The following SGCD variants were observed in gnomAD, a reference collection of about 807,000 sequenced individuals.
The protein encoded by SGCD is sarcoglycan delta.
Under a neutral mutation model 36.6 loss-of-function variants are expected in SGCD, and 18 were observed. The ratio of observed to expected loss-of-function variants is 0.49; its 90% CI spans 0.34 to 0.73. The LOEUF (loss-of-function observed/expected upper bound fraction) is 0.73. Among genes scored for constraint, SGCD ranks in the 30% least tolerant of loss-of-function variants. The pLI is 0.01. For synonymous variants in SGCD, 133 were observed against 130.6 expected (o/e 1.02, Z -0.12); for missense variants, 387 against 346.7 (o/e 1.12, Z -0.92).
At chr5:156,145,951 T>C (rs375344099) in intron 3 of SGCD, among the ~76,000 whole-genome samples, 69 of 152,272 alleles carry the variant, frequency 4.5e-4, no homozygotes, top group East Asian at 5.8e-4. Context: ...TGGTGGCTCA[T>C]GCCTGTAATA....
intron 7 of SGCD, among the ~76,000 whole-genome samples, chr5:156,713,898 C>T (rs184983430): frequency 2.6e-5 from 4 of 152,316 alleles, no homozygotes; most frequent in Admixed American, 2.6e-4. Context: ...TTCACCAATC[C>T]AGTGATTTCA....
rs144378319 is a variant in SGCD at position 156,747,293 on chromosome 5, G to A, written c.576-10288G>A. ...TATTATTAATCTATTGCTGTGTAAC[G>A]CATTACCCCAAAACTTAGCAGTTTA... is the stretch of plus-strand genomic sequence containing the variant. On this transcript the variant is annotated intron_variant, in intron 7 of 8. Transcript: ENST00000337851. Among the ~76,000 whole-genome samples, 1,083 of 152,208 alleles carry A rather than the reference G, an allele frequency of 7.1e-3. 13 individuals carry two copies. Among genetic ancestry groups the A allele is most frequent in the Middle Eastern group, 0.014 (4 of 294 alleles).
At chr5:155,919,601 C>G (rs1162587724) in intron 1 of SGCD, among the ~76,000 whole-genome samples, 1 of 152,082 alleles carries the variant, frequency 6.6e-6, no homozygotes, top group Non-Finnish European at 1.5e-5. Context: ...AAACCTTGTT[C>G]CCCAGAACTT....
chr5:156,441,535 A>T (rs1344975199), intron 3 of SGCD, among the ~76,000 whole-genome samples: 1 of 152,188 alleles, frequency 6.6e-6, no homozygotes, highest in Non-Finnish European at 1.5e-5. Flanking sequence ...AAAAATGATC[A>T]TTTCCACATT....
At chr5:155,843,805 A>AC in the SGCD span, among the ~76,000 whole-genome samples, 1 of 152,140 alleles carries the variant, frequency 6.6e-6, no homozygotes, top group Non-Finnish European at 1.5e-5. Flanking sequence ...TGCACCTTGA[A>AC]CCCCCAGTGG....
intron 3 of SGCD, among the ~76,000 whole-genome samples, chr5:156,287,571 C>T (rs1766641537): frequency 1.3e-5 from 2 of 151,930 alleles, no homozygotes; most frequent in South Asian, 4.1e-4. Flanking sequence ...GACTCTTCCT[C>T]ATCGGTTAGG....
intron 3 of SGCD, among the ~76,000 whole-genome samples, chr5:156,157,813 T>A (rs752974113): frequency 2.6e-5 from 4 of 151,704 alleles, no homozygotes. Flanking sequence ...TTATCATTGT[T>A]AGGAAATACA....
At chr5:156,584,643 ATGCTTCTTTCT>A (rs1278932118) in intron 4 of SGCD, among the ~76,000 whole-genome samples, 2 of 27,462 alleles carry the variant, frequency 7.3e-5, no homozygotes, top group African/African-American at 5.9e-4. Context: ...TCTGTCACCT[ATGCTTCTTTCT>A]GTCACCTAGA....
At chr5:156,267,590 T>C (rs1290957936) in intron 3 of SGCD, among the ~76,000 whole-genome samples, 1 of 152,206 alleles carries the variant, frequency 6.6e-6, no homozygotes, top group African/African-American at 2.4e-5. Context: ...ACTGTGATAC[T>C]ACATGTTCTG....
intron 3 of SGCD, among the ~76,000 whole-genome samples, chr5:156,457,630 C>T (rs970831513): frequency 6.6e-6 from 1 of 152,120 alleles, no homozygotes; most frequent in African/African-American, 2.4e-5. Context: ...GCTTCAAGAC[C>T]CCTGCCCAGT....
At chr5:155,816,500 G>T in the SGCD span, among the ~76,000 whole-genome samples, 2 of 152,186 alleles carry the variant, frequency 1.3e-5, no homozygotes, top group East Asian at 3.8e-4. Flanking sequence ...GGAGGAGGAG[G>T]AAAAGGAGAG....
At chr5:156,323,803 G>C (rs781497518), upstream of SGCD, among the ~76,000 whole-genome samples, 4 of 152,196 alleles carry the variant, frequency 2.6e-5, no homozygotes, top group Non-Finnish European at 5.9e-5. Flanking sequence ...CATTGCAGAG[G>C]GGATTCAGGA....
intron 1 of SGCD, among the ~76,000 whole-genome samples, chr5:155,996,863 G>GGATGGATGGATAGATAGATA (rs367879360): frequency 7.5e-6 from 1 of 133,358 alleles, no homozygotes; most frequent in African/African-American, 2.7e-5. Context: ...CTGGATGGAT[G>GGATGGATGGATAGATAGATA]GATAGATAGA....
intron 7 of SGCD, among the ~76,000 whole-genome samples, chr5:156,734,958 C>T (rs1166178525): frequency 6.6e-6 from 1 of 152,154 alleles, no homozygotes; most frequent in Non-Finnish European, 1.5e-5. Context: ...TGCACTGATT[C>T]TTTCTCATTT....
chr5:155,937,574 A>C (rs2113403207), intron 1 of SGCD, among the ~76,000 whole-genome samples: 1 of 152,358 alleles, frequency 6.6e-6, no homozygotes, highest in East Asian at 1.9e-4. Context: ...GGGAGTCCAG[A>C]GTACTTGAGA....
chr5:156,181,748 C>A (rs770508216), intron 3 of SGCD, among the ~76,000 whole-genome samples: 2 of 152,092 alleles, frequency 1.3e-5, no homozygotes, highest in Non-Finnish European at 2.9e-5. Context: ...CTTGTTTAAC[C>A]ATTACAGCAA....
chr5:156,046,594 A>G (rs1026712584), intron 1 of SGCD, among the ~76,000 whole-genome samples: 1 of 152,046 alleles, frequency 6.6e-6, no homozygotes, highest in Non-Finnish European at 1.5e-5. Context: ...TTGATCTTTG[A>G]TGTTACTATT....
chr5:155,935,277 T>G (rs1757172466), intron 1 of SGCD, among the ~76,000 whole-genome samples: 1 of 152,242 alleles, frequency 6.6e-6, no homozygotes, highest in South Asian at 2.1e-4. Context: ...GTTTATTCAT[T>G]TATTCATTAA....
At chr5:156,195,100 A>G (rs1263631576) in intron 3 of SGCD, among the ~76,000 whole-genome samples, 3 of 152,172 alleles carry the variant, frequency 2.0e-5, no homozygotes, top group East Asian at 1.9e-4. Context: ...TTCTCTAACA[A>G]TGATTTTACT....
Sources: gnomAD v4.1 joint callset for allele counts (sites outside exome capture counted in the v4.1 genomes callset) on GRCh38, gnomAD v4.1.1 for gene constraint, MANE v1.5 for transcripts, NCBI Gene and HGNC (gene_info 2026-07-23, HGNC 2026-07-21) for gene names.